The following CBLN2 variants were observed in gnomAD, a reference collection of about 807,000 sequenced individuals.
CBLN2 encodes the protein cerebellin 2 precursor.
Under a neutral mutation model 15.0 loss-of-function variants are expected in CBLN2, and 7 were observed. That is an observed-to-expected ratio of 0.47 (90% CI 0.27 to 0.88). The LOEUF is 0.88. Among genes scored for constraint, CBLN2 ranks in the 40% least tolerant of loss-of-function variants. The probability of loss-of-function intolerance (pLI) is 0.14; values close to 1 mark genes in which losing one functional copy is unlikely to be tolerated. For missense variants in CBLN2, 242 were observed against 304.5 expected (o/e 0.79, Z 1.53); for synonymous variants, 149 against 135.2 (o/e 1.10, Z -0.71).
At chr18:72,637,212 A>C (rs114067567) in intron 1 of CBLN2, among the ~76,000 whole-genome samples, 2,901 of 152,290 alleles carry the variant, frequency 0.019, 90 homozygotes, top group African/African-American at 0.066. Context: ...ATTAAAGACA[A>C]AAATCATTTT....
chr18:72,613,051 C>A (rs979388023), intron 1 of CBLN2, among the ~76,000 whole-genome samples: 27 of 152,168 alleles, frequency 1.8e-4, no homozygotes, highest in African/African-American at 6.5e-4. Context: ...GAAGCATCAC[C>A]CTGATCTGTG....
intron 1 of CBLN2, among the ~76,000 whole-genome samples, chr18:72,635,157 A>C (rs944687606): frequency 2.6e-5 from 4 of 152,002 alleles, no homozygotes; most frequent in Non-Finnish European, 5.9e-5. Context: ...TGAGTACCGG[A>C]CTCAAGTAGC....
intron 1 of CBLN2, among the ~76,000 whole-genome samples, chr18:72,573,471 C>A (rs914313581): frequency 1.3e-5 from 2 of 152,120 alleles, no homozygotes; most frequent in African/African-American, 4.8e-5. Context: ...CCATGGCAAC[C>A]ACTGATCTTT....
rs374476417 is a variant in CBLN2, at chr18:72,625,968, C to T, written c.15+12357G>A. The stretch of plus-strand genomic sequence containing the variant: ...TTGTGCAGAAAGCACAATTTGTTTT[C>T]ATATTTTCAGTGTCCATTTCCGGTC... On this transcript the variant is annotated intron_variant, in intron 1 of 2. Transcript: ENST00000581073. Among the ~76,000 whole-genome samples the T allele has an allele frequency of 2.8e-3, 417 of 151,478 alleles. 4 individuals carry two copies. The highest frequency in any genetic ancestry group is 9.7e-3 in the African/African-American group (402 of 41,316).
At chr18:72,583,679 C>T (rs1435519418) in intron 1 of CBLN2, among the ~76,000 whole-genome samples, 1 of 152,258 alleles carries the variant, frequency 6.6e-6, no homozygotes, top group East Asian at 1.9e-4. Flanking sequence ...ATTAATCTCT[C>T]AGAAACTCTT....
intron 1 of CBLN2, among the ~76,000 whole-genome samples, chr18:72,570,967 C>A (rs1190454702): frequency 6.6e-6 from 1 of 152,040 alleles, no homozygotes; most frequent in Non-Finnish European, 1.5e-5. Flanking sequence ...AGGATTGACT[C>A]TGTGTCTGTA....
At chr18:72,569,752 C>T (rs1212136246) in intron 1 of CBLN2, among the ~76,000 whole-genome samples, 2 of 152,136 alleles carry the variant, frequency 1.3e-5, no homozygotes, top group Non-Finnish European at 2.9e-5. Flanking sequence ...CTCACTCACT[C>T]ATCACCAAGG....
intron 1 of CBLN2, chr18:72,619,123 C>T (rs1159329904): frequency 2.0e-5 from 15 of 743,132 alleles, no homozygotes; most frequent in East Asian, 1.8e-4. Flanking sequence ...AGCTCTGGCC[C>T]CTATGGTGGT....
At chr18:72,592,661 AT>A (rs1275617438) in intron 1 of CBLN2, among the ~76,000 whole-genome samples, 1 of 152,034 alleles carries the variant, frequency 6.6e-6, no homozygotes, top group African/African-American at 2.4e-5. Flanking sequence ...TTTTGATTTG[AT>A]TTTTGTATAT....
At position 72,625,276 on chromosome 18, in the gene CBLN2, G is replaced by A. The variant is rs183237513; in HGVS notation, c.15+13049C>T. The A allele has an allele frequency of 7.9e-5, 12 of 152,210 alleles. No homozygotes were observed. In the East Asian group the frequency reaches 2.1e-3, roughly 27 times the overall value. 9.4% of individuals were successfully genotyped at this position (152,210 alleles called of 1,614,324 possible). A position where few individuals can be genotyped will look rare whatever the true frequency, so the allele number is the denominator to read the frequency against. Reference sequence around the variant, plus strand: ...AACTACTTTGTGTATTTCATGCTAAGTTTCATGTCTTTGTCCAGTTAACTC... The same window carrying A: ...AACTACTTTGTGTATTTCATGCTAAATTTCATGTCTTTGTCCAGTTAACTC... On this transcript the variant is annotated intron_variant, in intron 1 of 2. Coordinates refer to the CBLN2 transcript ENST00000581073.
intron 4 of CBLN2, 35 bp downstream of exon 4, chr18:72,538,618 C>G (rs767423615): frequency 9.3e-6 from 15 of 1,611,792 alleles, no homozygotes; most frequent in Non-Finnish European, 1.1e-5. Flanking sequence ...ACTATTAACT[C>G]AAACCTGAAA....
At chr18:72,618,986 G>C (rs2069681715) in intron 1 of CBLN2, 2 of 765,500 alleles carry the variant, frequency 2.6e-6, no homozygotes, top group Admixed American at 3.5e-5. Flanking sequence ...GGTGGCAGCG[G>C]GGATGGTCAT....
chr18:72,586,727 GAA>G (rs1460854555), intron 1 of CBLN2, among the ~76,000 whole-genome samples: 1 of 152,092 alleles, frequency 6.6e-6, no homozygotes, highest in African/African-American at 2.4e-5. Flanking sequence ...GCTGAAAAGA[GAA>G]AAAGGAGCCA....
In CBLN2 at chr18:72,544,028, C is replaced by G. The variant is rs545489082; in HGVS notation, c.-263G>C. ...AGACGTCTCTTTTGAAAATTAGACA[C>G]CCTTAAAAGCACCGGTCGCTTCTCT... On this transcript the variant is annotated 5_prime_UTR_variant, in exon 1 of 5. Transcript: ENST00000269503. 1 of 152,426 alleles carries G rather than the reference C, an allele frequency of 6.6e-6. No individual in the cohort carries two copies. Among genetic ancestry groups the G allele is most frequent in the Non-Finnish European group, 1.5e-5 (1 of 68,158 alleles). 9.4% of individuals were successfully genotyped at this position (152,426 alleles called of 1,614,324 possible).
At chr18:72,587,299 C>T (rs538060237) in intron 1 of CBLN2, among the ~76,000 whole-genome samples, 2 of 152,110 alleles carry the variant, frequency 1.3e-5, no homozygotes, top group South Asian at 2.1e-4. Context: ...TTGCCATTAA[C>T]TTAATATGCA....
chr18:72,617,372 G>C (rs2069669229), intron 1 of CBLN2, among the ~76,000 whole-genome samples: 1 of 152,018 alleles, frequency 6.6e-6, no homozygotes, highest in African/African-American at 2.4e-5. Flanking sequence ...TGAAAAAAAT[G>C]TAAATGTGTA....
intron 1 of CBLN2, among the ~76,000 whole-genome samples, chr18:72,561,576 T>C (rs1186107005): frequency 6.6e-6 from 1 of 152,206 alleles, no homozygotes; most frequent in Admixed American, 6.5e-5. Context: ...CTATTAACAG[T>C]GCATACATTA....
chr18:72,546,314 G>C (rs2069157807), upstream of CBLN2, among the ~76,000 whole-genome samples: 1 of 152,052 alleles, frequency 6.6e-6, no homozygotes, highest in South Asian at 2.1e-4. Context: ...GCGGACGCCT[G>C]TAGTCCCAGC....
intron 1 of CBLN2, among the ~76,000 whole-genome samples, chr18:72,630,495 AACACACAC>A (rs3030024): frequency 7.1e-6 from 1 of 140,392 alleles, no homozygotes; most frequent in Non-Finnish European, 1.5e-5. Flanking sequence ...CTACTGCTCC[AACACACAC>A]ACACACACAC....
Sources: allele counts gnomAD v4.1 joint callset (sites outside exome capture counted in the v4.1 genomes callset), GRCh38; gene constraint gnomAD v4.1.1; transcripts MANE v1.5; gene names NCBI Gene and HGNC (gene_info 2026-07-23, HGNC 2026-07-21).